Variants in ALPK2 observed in about 807,000 individuals in gnomAD.
The protein encoded by ALPK2 is alpha kinase 2.
In ALPK2, 127 loss-of-function variants were observed where a neutral mutation model predicts 163.1. The observed-to-expected ratio is 0.78, with a 90% CI of 0.67 to 0.90. The LOEUF (loss-of-function observed/expected upper bound fraction) is 0.90. ALPK2 is among the 40% of genes least tolerant of loss of function. The probability of loss-of-function intolerance (pLI) is 0.00; values close to 1 mark genes in which losing one functional copy is unlikely to be tolerated. For synonymous variants in ALPK2, 953 were observed against 959.1 expected (o/e 0.99, Z 0.12); for missense variants, 2,360 against 2,589.6 (o/e 0.91, Z 1.92).
At chr18:58,594,534 A>G (rs1423883671) in intron 3 of ALPK2, among the ~76,000 whole-genome samples, 1 of 152,198 alleles carries the variant, frequency 6.6e-6, no homozygotes, top group East Asian at 1.9e-4. Flanking sequence ...ACTAAGATGA[A>G]TGCTCCATCA....
chr18:58,608,199 A>C (rs1204981425), intron 2 of ALPK2, among the ~76,000 whole-genome samples: 1 of 152,240 alleles, frequency 6.6e-6, no homozygotes, highest in Non-Finnish European at 1.5e-5. Flanking sequence ...AAAAGAGAGG[A>C]GAACAAAGTA....
At chr18:58,610,830 C>T (rs983690214) in intron 2 of ALPK2, among the ~76,000 whole-genome samples, 7 of 152,062 alleles carry the variant, frequency 4.6e-5, no homozygotes, top group Non-Finnish European at 8.8e-5. Flanking sequence ...CGCAGTGGCT[C>T]ACGCCTGTAA....
intron 4 of ALPK2, among the ~76,000 whole-genome samples, chr18:58,557,709 T>A (rs2051802044): frequency 5.4e-5 from 2 of 37,040 alleles, no homozygotes; most frequent in African/African-American, 2.6e-4. Context: ...TATTTATATT[T>A]TGTCATTGGA....
At chr18:58,497,834 T>C (rs2051408914) in intron 12 of ALPK2, among the ~76,000 whole-genome samples, 2 of 152,224 alleles carry the variant, frequency 1.3e-5, no homozygotes, top group South Asian at 2.1e-4. Flanking sequence ...GAGTTCTCAT[T>C]TGTTTCAAAG....
chr18:58,607,322 C>A lies in ALPK2; in HGVS notation c.227G>T (p.Cys76Phe). The A allele has an allele frequency of 6.2e-7, 1 of 1,603,258 alleles. No individual in the cohort carries two copies. Among genetic ancestry groups the A allele is most frequent in the South Asian group, 1.1e-5 (1 of 89,922 alleles). ...AGTCCACAGGGGTATAGCCACTTAC[C>A]AAGAGAGATGTAACACATGAATATA... ...NQYIHVLHLS[C>F]CTKNDAAVYQ... is the part of the protein sequence containing the mutation. The change falls in exon 3 of 13, where the codon TGC (cysteine) becomes TTC (phenylalanine). Residue 76 changes from cysteine (C) to phenylalanine (F), a missense_variant and splice_region_variant. Transcript: ENST00000361673.
Position 58,535,816 on chromosome 18 carries a change from G to A in ALPK2, c.4371C>T (p.Leu1457=). The change falls in exon 5 of 13, where the codon CTC becomes CTT. Residue 1457 remains leucine (L), a synonymous_variant. Transcript: ENST00000361673. ...IQPAILQVPC[L]QGTILSENRI... ...TATTTTCACTCAGAATGGTTCCCTG[G>A]AGACATGGAACTTGCAAAATGGCCG... 1.2e-6 allele frequency: 2 copies of A among 1,614,176 alleles called. No individual in the cohort carries two copies. Among genetic ancestry groups the A allele is most frequent in the Non-Finnish European group, 1.7e-6 (2 of 1,180,022 alleles).
At position 58,621,786 on chromosome 18, in the gene ALPK2, A is replaced by G. The variant is rs1289511419; in HGVS notation, c.-21+6978T>C. Among the ~76,000 whole-genome samples the G allele has an allele frequency of 3.3e-5, 5 of 152,298 alleles. No individual in the cohort carries two copies. In the East Asian group the frequency reaches 9.6e-4, roughly 29 times the overall value. On this transcript the variant is annotated intron_variant, in intron 1 of 12. Coordinates refer to ENST00000361673, the MANE Select transcript of ALPK2 (RefSeq NM_052947.4). ...CTTTCTGGATACCTTGAATTTATGT[A>G]TCTTACCTAATAAACAAGTAAAAGC...
chr18:58,579,206 C>G lies in ALPK2; in HGVS notation c.1570G>C (p.Asp524His), dbSNP rs201535158. 9.4e-5 allele frequency: 152 copies of G among 1,613,998 alleles called. No individual in the cohort carries two copies. Among genetic ancestry groups the G allele is most frequent in the Non-Finnish European group, 1.2e-4 (145 of 1,180,002 alleles). The change falls in exon 4 of 13, where the codon GAC (aspartate) becomes CAC (histidine). Residue 524 changes from aspartate to histidine, a missense_variant. Coordinates refer to ENST00000361673, the MANE Select transcript of ALPK2 (RefSeq NM_052947.4). ...CTTGAACCCCTCTTGCTCCATAAGT[C>G]CTTTCCCCCCACTCTCTTGTCAGCT... ...TAADKRVGGK[D>H]LWSKRGSRKS...
Position 58,535,353 on chromosome 18 carries a change from A to G in ALPK2, c.4834T>C (p.Ser1612Pro), listed in dbSNP as rs1568077289. 1.2e-6 allele frequency: 2 copies of G among 1,614,072 alleles called. No homozygotes were observed. Among genetic ancestry groups the G allele is most frequent in the African/African-American group, 2.7e-5 (2 of 74,914 alleles). Residue 1612 changes from serine (S) to proline (P), a missense_variant, in exon 5 of 13, where the codon TCA (serine) becomes CCA (proline). Coordinates refer to ENST00000361673, the MANE Select transcript of ALPK2 (RefSeq NM_052947.4). ...TCTGTGACATTTCCTTCAGGAGATG[A>G]AGTACAAGGGAACCTGGTAAGATCA... ...SPDLTRFPCT[S>P]SPEGNVTDFL...
At chr18:58,505,679 C>T (rs568917163) in intron 10 of ALPK2, among the ~76,000 whole-genome samples, 4 of 152,268 alleles carry the variant, frequency 2.6e-5, no homozygotes, top group South Asian at 2.1e-4. Context: ...CATTCGACAT[C>T]GAAACGCAAA....
intron 11 of ALPK2, among the ~76,000 whole-genome samples, chr18:58,503,090 G>A (rs549219180): frequency 1.3e-5 from 2 of 152,342 alleles, no homozygotes; most frequent in South Asian, 4.1e-4. Context: ...TTGTATGTGA[G>A]TACCTGTCTC....
intron 1 of ALPK2, among the ~76,000 whole-genome samples, chr18:58,614,981 A>AT (rs36032036): frequency 0.18 from 24,631 of 140,218 alleles, 2,546 homozygotes; most frequent in Middle Eastern, 0.27. Context: ...TCTATTATGG[A>AT]TTTTTTTTTT....
chr18:58,505,142 C>T (rs1179345119), intron 10 of ALPK2, among the ~76,000 whole-genome samples: 2 of 152,036 alleles, frequency 1.3e-5, no homozygotes, highest in Non-Finnish European at 2.9e-5. Context: ...AAGATCACTG[C>T]CTCTCTGTGG....
chr18:58,504,493 T>G (rs1281677139), intron 10 of ALPK2, among the ~76,000 whole-genome samples: 2 of 152,004 alleles, frequency 1.3e-5, no homozygotes, highest in Non-Finnish European at 2.9e-5. Flanking sequence ...CATCCATTCA[T>G]CCTTCCTTCC....
At chr18:58,585,680 C>CTTTTTTTTTTTTTTT in intron 3 of ALPK2, among the ~76,000 whole-genome samples, 1 of 77,636 alleles carries the variant, frequency 1.3e-5, no homozygotes, top group Non-Finnish European at 2.4e-5. Flanking sequence ...TTCTATGTTG[C>CTTTTTTTTTTTTTTT]TTTTTTTTTT....
In ALPK2 at chr18:58,614,950, C is replaced by A. The variant is rs77919100; in HGVS notation, c.-20-3133G>T. Among the ~76,000 whole-genome samples the A allele has an allele frequency of 2.2e-3, 330 of 151,584 alleles. 1 individual carries two copies. The highest frequency in any genetic ancestry group is 4.2e-3 in the Non-Finnish European group (282 of 67,896). ...ACAGCCAGAGGCAATCACTAATCTACTTTCTGTCTGTATGTATTTGTCTAT... is the reference window on the plus strand; with the variant it reads ...ACAGCCAGAGGCAATCACTAATCTAATTTCTGTCTGTATGTATTTGTCTAT... On this transcript the variant is annotated intron_variant, in intron 1 of 12. Coordinates refer to ENST00000361673, the MANE Select transcript of ALPK2 (RefSeq NM_052947.4).
intron 4 of ALPK2, among the ~76,000 whole-genome samples, chr18:58,551,425 G>T (rs2051759573): frequency 6.6e-6 from 1 of 152,104 alleles, no homozygotes; most frequent in Admixed American, 6.5e-5. Flanking sequence ...ATCTTTCCGT[G>T]TGTCCTCTCC....
chr18:58,548,799 T>C (rs1274888160), intron 4 of ALPK2, among the ~76,000 whole-genome samples: 1 of 152,156 alleles, frequency 6.6e-6, no homozygotes, highest in African/African-American at 2.4e-5. Flanking sequence ...TTGTTCTACT[T>C]GGTGCAATGA....
chr18:58,487,814 G>A (rs1408137353), intron 12 of ALPK2, among the ~76,000 whole-genome samples: 1 of 152,062 alleles, frequency 6.6e-6, no homozygotes, highest in East Asian at 1.9e-4. Flanking sequence ...TGGAGCCCAG[G>A]AATACAAGAC....
Sources: gnomAD v4.1 joint callset for allele counts (sites outside exome capture counted in the v4.1 genomes callset) on GRCh38, gnomAD v4.1.1 for gene constraint, MANE v1.5 for transcripts, NCBI Gene and HGNC (gene_info 2026-07-23, HGNC 2026-07-21) for gene names.